The following COL6A1 variants were observed in gnomAD, a reference collection of about 807,000 sequenced individuals.
COL6A1 encodes collagen alpha-1(VI) chain.
A neutral mutation model predicts 145.6 loss-of-function variants in COL6A1; 80 were observed. The ratio of observed to expected loss-of-function variants is 0.55; its 90% CI spans 0.46 to 0.66. The LOEUF is 0.66. Ranked by LOEUF, COL6A1 falls within the 30% of genes least tolerant of loss-of-function variation. The pLI, the probability that COL6A1 is intolerant of heterozygous loss-of-function variation, is 0.00. For synonymous variants in COL6A1, 638 were observed against 622.8 expected (o/e 1.02, Z -0.36); for missense variants, 1,364 against 1,473.8 (o/e 0.93, Z 1.22).
intron 22 of COL6A1, 22 bp downstream of exon 22, chr21:45,997,784 C>T (rs2077814530): frequency 1.3e-6 from 2 of 1,568,488 alleles, no homozygotes; most frequent in East Asian, 2.4e-5. Context: ...ACAGCTCGGG[C>T]CCTAGGGCGG....
intron 3 of COL6A1, among the ~76,000 whole-genome samples, chr21:45,985,177 CAGAG>C (rs906540334): frequency 9.0e-5 from 4 of 44,512 alleles, no homozygotes; most frequent in African/African-American, 1.9e-4. Flanking sequence ...CATACAGAGA[CAGAG>C]AGACAGAGAG....
chr21:46,002,261 G>GGGGA lies in COL6A1; in HGVS notation c.2113_2116dup (p.Ala706GlyfsTer25). 6.2e-7 allele frequency: 1 copy of GGGGA among 1,602,382 alleles called. No homozygotes were observed. Among genetic ancestry groups the GGGGA allele is most frequent in the Non-Finnish European group, 8.5e-7 (1 of 1,177,262 alleles). ...GTGGATGGCGGGCGGCACCTTCACG[G>GGGGA]GGGAGGCCCTGCAGTACACGCGGGA... On this transcript the variant is annotated frameshift_variant, in exon 32 of 35. Transcript: ENST00000361866. LOFTEE classifies it high-confidence loss of function.
chr21:45,999,896 A>AGGGGACGTGTGAGGATCATGGG (rs2077829446), intron 27 of COL6A1, among the ~76,000 whole-genome samples: 1 of 8,648 alleles, frequency 1.2e-4, no homozygotes, highest in Non-Finnish European at 2.4e-4. Flanking sequence ...AGGACCATAG[A>AGGGGACGTGTGAGGATCATGGG]GGGGACATGT....
At chr21:45,999,019 C>A in intron 25 of COL6A1, 60 bp downstream of exon 25, 1 of 1,548,446 alleles carries the variant, frequency 6.5e-7, no homozygotes, top group Non-Finnish European at 8.7e-7. Context: ...GGGCTGGGCC[C>A]TTGAAGGGCA....
rs760236780 is a variant in COL6A1, at chr21:46,003,592, C to T, written c.2666C>T (p.Ala889Val). 27 of 1,612,690 alleles carry T rather than the reference C, an allele frequency of 1.7e-5. No individual in the cohort carries two copies. The highest frequency in any genetic ancestry group is 2.3e-5 in the Non-Finnish European group (27 of 1,179,824). ...SGTGQQRPER[A>V]SLQFLQNYTA... ...ACGGGCCAGCAGCGCCCAGAGCGGG[C>T]GTCGCTGCAGTTCCTGCAGAACTAC... Residue 889 changes from alanine (A) to valine (V), a missense_variant, in exon 35 of 35, where the codon GCG becomes GTG. Around this residue, in one of 3 missense-constraint regions of COL6A1, gnomAD observed 938 missense variants for 1,003.8 expected, o/e 0.93. Coordinates refer to ENST00000361866, the MANE Select transcript of COL6A1 (RefSeq NM_001848.3).
rs2077715846 is a variant in COL6A1 at position 45,982,841 on chromosome 21, G to A, written c.227+78G>A. 2 of 1,580,062 alleles carry A rather than the reference G, an allele frequency of 1.3e-6. No individual in the cohort carries two copies. Among genetic ancestry groups the A allele is most frequent in the Non-Finnish European group, 1.7e-6 (2 of 1,164,724 alleles). On this transcript the variant is annotated intron_variant, in intron 2 of 34. Coordinates refer to ENST00000361866, the MANE Select transcript of COL6A1 (RefSeq NM_001848.3). ...GAGGGGTGGGGGCCCAGGGGAACACGGGTGCGACGGCCTCAACCTCCTAAG... is the reference window on the plus strand; with the variant it reads ...GAGGGGTGGGGGCCCAGGGGAACACAGGTGCGACGGCCTCAACCTCCTAAG...
chr21:45,992,780 C>T lies in COL6A1; in HGVS notation c.1305C>T (p.Thr435=), dbSNP rs1340785399. Residue 435 remains threonine (T), a synonymous_variant, in exon 19 of 35, where the codon ACC becomes ACT. Transcript: ENST00000361866. ...CTGGAGAGAGAGGACCACGGGGGACCCCAGGCACGCGGGGACCAAGAGGAG... is the reference window on the plus strand; with the variant it reads ...CTGGAGAGAGAGGACCACGGGGGACTCCAGGCACGCGGGGACCAAGAGGAG... The part of the protein sequence containing the change: ...GGPGERGPRG[T]PGTRGPRGDP... 2.5e-6 allele frequency: 4 copies of T among 1,601,486 alleles called. No homozygotes were observed. The African/African-American group carries it at 5.3e-5, about 21-fold the overall frequency.
At chr21:46,000,646 G>T in intron 28 of COL6A1, 113 bp from the exon 29 acceptor site, 8 of 1,242,126 alleles carry the variant, frequency 6.4e-6, no homozygotes, top group Non-Finnish European at 8.8e-6. Flanking sequence ...GGGGGAGGCC[G>T]GGGAAGGAGG....
chr21:46,001,993 G>A lies in COL6A1; in HGVS notation c.1989G>A (p.Val663=), dbSNP rs760624194. 3.1e-6 allele frequency: 5 copies of A among 1,612,662 alleles called. No homozygotes were observed. Among genetic ancestry groups the A allele is most frequent in the Middle Eastern group, 1.6e-4 (1 of 6,062 alleles). The part of the protein sequence containing the change: ...FEPGQSYAGV[V]QYSHSQMQEH... The stretch of plus-strand genomic sequence containing the variant: ...CAGGGCAGTCGTACGCGGGTGTGGT[G>A]CAGTACAGCCACAGCCAGATGCAGG... Residue 663 remains valine (V), a synonymous_variant, in exon 31 of 35, where the codon GTG becomes GTA. Coordinates refer to ENST00000361866, the MANE Select transcript of COL6A1 (RefSeq NM_001848.3).
chr21:45,984,245 G>GC (rs1569517699), intron 2 of COL6A1, 24 bp from the exon 3 acceptor site: 1 of 1,585,230 alleles, frequency 6.3e-7, no homozygotes, highest in African/African-American at 1.3e-5. Flanking sequence ...CCCGCCTCAC[G>GC]CCCGCCGTGC....
At position 45,999,158 on chromosome 21, in the gene COL6A1, C is replaced by T. The variant is rs147210734; in HGVS notation, c.1680C>T (p.Asn560=). The T allele has an allele frequency of 2.3e-5, 36 of 1,599,834 alleles. No homozygotes were observed. In the African/African-American group the frequency reaches 2.7e-4, roughly 12 times the overall value. The change falls in exon 26 of 35, where the codon AAC becomes AAT. Residue 560 remains asparagine, a synonymous_variant. Coordinates refer to ENST00000361866, the MANE Select transcript of COL6A1 (RefSeq NM_001848.3). ...GEAGDPGDDN[N]DIAPRGVKGA... is the part of the protein sequence containing the mutation. Reference sequence around the variant, plus strand: ...ACAACGCTGTTCCCTTCTAGAACAACGACATTGCACCCCGAGGAGTCAAAG... The same window carrying T: ...ACAACGCTGTTCCCTTCTAGAACAATGACATTGCACCCCGAGGAGTCAAAG...
rs142102852 is a variant in COL6A1, at chr21:45,987,163, C to T, written c.726C>T (p.Asn242=). Reference sequence around the variant, plus strand: ...TCCATTTCTCTTTCCAGAAAAATAACGTGGAGCAAGTGGTAAGAGCCCTCC... The same window carrying T: ...TCCATTTCTCTTTCCAGAAAAATAATGTGGAGCAAGTGGTAAGAGCCCTCC... ...IDTIVDMIKN[N]VEQVCCSFEC... is the part of the protein sequence containing the mutation. Residue 242 remains asparagine, a synonymous_variant, in exon 6 of 35, where the codon AAC becomes AAT. Transcript: ENST00000361866. The T allele has an allele frequency of 4.9e-5, 78 of 1,598,344 alleles. 1 individual carries two copies. The highest frequency in any genetic ancestry group is 2.3e-4 in the African/African-American group (17 of 74,946).
rs2077813970 is a variant in COL6A1 at position 45,997,717 on chromosome 21, A to G, written c.1479A>G (p.Pro493=). 6.3e-7 allele frequency: 1 copy of G among 1,594,480 alleles called. No homozygotes were observed. Among genetic ancestry groups the G allele is most frequent in the Non-Finnish European group, 8.5e-7 (1 of 1,170,584 alleles). ...PPGSEGARGA[P]GPAGPPGDPG... ...CTCCTCAGGGTGCCAGAGGAGCCCC[A>G]GGACCTGCCGGACCCCCTGGAGACC... Residue 493 remains proline (P), a synonymous_variant, in exon 22 of 35, where the codon CCA becomes CCG. Transcript: ENST00000361866.
rs1171160953 is a variant in COL6A1 at position 46,003,938 on chromosome 21, C to G, written c.3012C>G (p.Phe1004Leu). 1.2e-6 allele frequency: 2 copies of G among 1,611,636 alleles called. No individual in the cohort carries two copies. Among genetic ancestry groups the G allele is most frequent in the Admixed American group, 1.7e-5 (1 of 59,930 alleles). Residue 1004 changes from phenylalanine to leucine, a missense_variant, in exon 35 of 35, where the codon TTC (phenylalanine) becomes TTG (leucine). Transcript: ENST00000361866. ...TGGCCTACGGCGAGAGCCACCTGTT[C>G]CGTGTCCCCAGCTACCAGGCCCTGC... The part of the protein sequence containing the change: ...YDVAYGESHL[F>L]RVPSYQALLR...
At chr21:45,982,128 G>T (rs1366760538) in intron 1 of COL6A1, among the ~76,000 whole-genome samples, 181 bp downstream of exon 1, 1 of 152,166 alleles carries the variant, frequency 6.6e-6, no homozygotes, top group Non-Finnish European at 1.5e-5. Flanking sequence ...CCTTGGCCGG[G>T]GCCCCTAGAG....
chr21:45,998,201 AC>A (rs1569518711), intron 23 of COL6A1, 30 bp downstream of exon 23: 1 of 1,609,848 alleles, frequency 6.2e-7, no homozygotes, highest in East Asian at 2.2e-5. Context: ...GCCCACAGGA[AC>A]ATGCCCAAGC....
Position 45,981,834 on chromosome 21 carries a change from G to T in COL6A1, c.-17G>T. 5 of 1,564,776 alleles carry T rather than the reference G, an allele frequency of 3.2e-6. No homozygotes were observed. The South Asian group carries it at 5.9e-5, about 18-fold the overall frequency. On this transcript the variant is annotated 5_prime_UTR_variant, in exon 1 of 35. Transcript: ENST00000361866. Reference sequence around the variant, plus strand: ...CTCTGCCCTGGCCGCGCTGTGTGGTGACCGCAGGCCCCAGACATGAGGGCG... The same window carrying T: ...CTCTGCCCTGGCCGCGCTGTGTGGTTACCGCAGGCCCCAGACATGAGGGCG...
At chr21:45,982,497 C>A in intron 1 of COL6A1, 137 bp from the exon 2 acceptor site, 2 of 1,269,860 alleles carry the variant, frequency 1.6e-6, no homozygotes, top group Non-Finnish European at 2.2e-6. Context: ...GGACGTCCTG[C>A]TGCCTTTTCC....
intron 24 of COL6A1, 80 bp downstream of exon 24, chr21:45,998,513 T>G (rs2077819837): frequency 6.3e-7 from 1 of 1,574,952 alleles, no homozygotes; most frequent in African/African-American, 1.3e-5. Context: ...TGAACACACA[T>G]GTGCACACAG....
Sources: gnomAD v4.1 joint callset for allele counts (sites outside exome capture counted in the v4.1 genomes callset) on GRCh38, gnomAD v4.1.1 for gene constraint, gnomAD v4.1.1 regional missense constraint, MANE v1.5 for transcripts, NCBI Gene and HGNC (gene_info 2026-07-23, HGNC 2026-07-21) for gene names.